COL4A1: variants seen among roughly 807,000 people sequenced by gnomAD.
COL4A1 encodes the protein collagen alpha-1(IV) chain.
A neutral mutation model predicts 216.6 loss-of-function variants in COL4A1; 40 were observed. The observed-to-expected ratio is 0.18, with a 90% CI of 0.14 to 0.24. COL4A1 has a LOEUF of 0.24. COL4A1 is among the 10% of genes least tolerant of loss of function. The pLI is 1.00. For synonymous variants in COL4A1, 839 were observed against 810.7 expected (o/e 1.03, Z -0.59); for missense variants, 1,628 against 2,196.8 (o/e 0.74, Z 5.18).
intron 26 of COL4A1, 70 bp from the exon 27 acceptor site, chr13:110,183,346 CA>C (rs1279311736): frequency 6.8e-7 from 1 of 1,462,552 alleles, no homozygotes; most frequent in Non-Finnish European, 9.4e-7. Flanking sequence ...GGAGGACACG[CA>C]GTGGGTGGGC....
chr13:110,273,845 G>A (rs972623579), intron 1 of COL4A1, among the ~76,000 whole-genome samples: 2 of 152,102 alleles, frequency 1.3e-5, no homozygotes, highest in African/African-American at 2.4e-5. Flanking sequence ...GGTTGCAGAC[G>A]CGCATCTGCC....
chr13:110,209,146 C>G (rs1243779869), intron 11 of COL4A1, among the ~76,000 whole-genome samples: 3 of 30,684 alleles, frequency 9.8e-5, no homozygotes, highest in African/African-American at 1.8e-4. Context: ...CATTAGAAAA[C>G]TAAGGGAAAT....
chr13:110,158,919 T>G (rs972177676), intron 49 of COL4A1, among the ~76,000 whole-genome samples: 5 of 152,068 alleles, frequency 3.3e-5, no homozygotes, highest in South Asian at 2.1e-4. Flanking sequence ...ATTTTTGTAT[T>G]TTTAGTAGAG....
intron 1 of COL4A1, among the ~76,000 whole-genome samples, chr13:110,302,079 G>C (rs534819611): frequency 1.3e-5 from 2 of 152,306 alleles, no homozygotes; most frequent in Admixed American, 6.5e-5. Context: ...GAGCTGGAAG[G>C]GAGTCCCAGC....
chr13:110,215,272 T>G lies in COL4A1; in HGVS notation c.145-1257A>C, dbSNP rs1004064359. ...AGAAATGTCTTTCAAGAGTATTTTT[T>G]GGGCTGGGTGCGGTGGCTCGCTCAT... On this transcript the variant is annotated intron_variant, in intron 2 of 51. Transcript: ENST00000375820. Among the ~76,000 whole-genome samples, 14 of 77,142 alleles carry G rather than the reference T, an allele frequency of 1.8e-4. No homozygotes were observed. In the South Asian group the frequency reaches 1.9e-3, roughly 11 times the overall value. The allele number at this position is 77,142 out of a possible 152,430, so 50.6% of individuals were successfully genotyped here.
intron 51 of COL4A1, 90 bp from the exon 52 acceptor site, chr13:110,150,534 G>C: frequency 7.5e-7 from 1 of 1,325,304 alleles, no homozygotes; most frequent in Non-Finnish European, 1.1e-6. Context: ...AATCTCTAAG[G>C]GATCAGCCCA....
chr13:110,218,030 C>G (rs1172152940), intron 2 of COL4A1, among the ~76,000 whole-genome samples: 1 of 152,200 alleles, frequency 6.6e-6, no homozygotes, highest in African/African-American at 2.4e-5. Context: ...AGCAAATACT[C>G]TAATAAGCTT....
intron 50 of COL4A1, 52 bp downstream of exon 50, chr13:110,155,231 G>T: frequency 7.4e-7 from 1 of 1,348,038 alleles, no homozygotes; most frequent in Non-Finnish European, 1.1e-6. Context: ...GGCGACTATG[G>T]GGCGTGAGTG....
At chr13:110,202,547 A>T (rs1879297606) in intron 18 of COL4A1, among the ~76,000 whole-genome samples, 1 of 152,122 alleles carries the variant, frequency 6.6e-6, no homozygotes, top group South Asian at 2.1e-4. Flanking sequence ...TGAAAGTAAA[A>T]CCCTTCAATG....
intron 2 of COL4A1, among the ~76,000 whole-genome samples, chr13:110,228,896 C>A (rs536484155): frequency 2.6e-5 from 4 of 152,264 alleles, no homozygotes; most frequent in South Asian, 4.1e-4. Flanking sequence ...ATGGAAAAAA[C>A]CACAGACAGT....
At chr13:110,232,175 T>C (rs1881092826) in intron 2 of COL4A1, among the ~76,000 whole-genome samples, 1 of 152,206 alleles carries the variant, frequency 6.6e-6, no homozygotes, top group Non-Finnish European at 1.5e-5. Context: ...TAAAACTATG[T>C]GACGAACCAA....
chr13:110,293,079 G>C (rs909269476), intron 1 of COL4A1, among the ~76,000 whole-genome samples: 1 of 152,192 alleles, frequency 6.6e-6, no homozygotes, highest in Non-Finnish European at 1.5e-5. Context: ...CTTTCAACTA[G>C]TGATAAATGC....
At chr13:110,264,724 C>T (rs990997516) in intron 1 of COL4A1, among the ~76,000 whole-genome samples, 1 of 152,162 alleles carries the variant, frequency 6.6e-6, no homozygotes, top group African/African-American at 2.4e-5. Flanking sequence ...CTCTCTGTCT[C>T]CTCCTTCCCC....
At chr13:110,306,851 G>T in intron 1 of COL4A1, 93 bp downstream of exon 1, 2 of 1,202,998 alleles carry the variant, frequency 1.7e-6, no homozygotes, top group South Asian at 2.0e-5. Flanking sequence ...CCCCCGAGGG[G>T]CAGGCGGACG....
chr13:110,207,379 T>G lies in COL4A1; in HGVS notation c.780+24A>C. The G allele has an allele frequency of 1.3e-6, 2 of 1,579,820 alleles. No homozygotes were observed. Among genetic ancestry groups the G allele is most frequent in the Admixed American group, 1.7e-5 (1 of 59,980 alleles). ...TTTGTCCAAAATTAGAAAATCAGTATTCACTGATGAAGCCCACTCATACCT... is the reference window on the plus strand; with the variant it reads ...TTTGTCCAAAATTAGAAAATCAGTAGTCACTGATGAAGCCCACTCATACCT... On this transcript the variant is annotated intron_variant, in intron 13 of 51. Transcript: ENST00000375820. This position sits in a 1 kb window ranked among gnomAD's most constrained non-coding sequence, Gnocchi z 4.4.
chr13:110,235,378 C>T (rs963147736), intron 2 of COL4A1, among the ~76,000 whole-genome samples: 8 of 152,146 alleles, frequency 5.3e-5, no homozygotes, highest in Non-Finnish European at 8.8e-5. Flanking sequence ...ATGCCGGGCG[C>T]AGTGGCTCAC....
Position 110,174,683 on chromosome 13 carries a change from T to C in COL4A1, c.3265A>G (p.Ile1089Val). Residue 1089 changes from isoleucine (I) to valine (V), a missense_variant, in exon 38 of 52, where the codon ATC becomes GTC. Coordinates refer to ENST00000375820, the MANE Select transcript of COL4A1 (RefSeq NM_001845.6). ...GEKGEKGSIGIPGMPGSPGLK... is the reference protein window; with the variant it reads ...GEKGEKGSIGVPGMPGSPGLK... ...CCTGGGGACCCTGGCATTCCTGGGA[T>C]CCCAATGCTTCCTTTTTCTCCCTTC... 1.2e-6 allele frequency: 2 copies of C among 1,613,904 alleles called. No homozygotes were observed. Among genetic ancestry groups the C allele is most frequent in the Non-Finnish European group, 1.7e-6 (2 of 1,179,828 alleles).
At chr13:110,244,201 G>A (rs1266229585) in intron 1 of COL4A1, among the ~76,000 whole-genome samples, 1 of 152,144 alleles carries the variant, frequency 6.6e-6, no homozygotes, top group Non-Finnish European at 1.5e-5. Flanking sequence ...CAGCTGCATT[G>A]CCATGGAGAC....
At chr13:110,225,880 A>G (rs1433381272) in intron 2 of COL4A1, among the ~76,000 whole-genome samples, 1 of 152,238 alleles carries the variant, frequency 6.6e-6, no homozygotes, top group African/African-American at 2.4e-5. Context: ...ATCATCTGTA[A>G]GTCAGGGATG....
Sources: gnomAD v4.1 joint callset for allele counts (sites outside exome capture counted in the v4.1 genomes callset) on GRCh38, gnomAD v4.1.1 for gene constraint, Gnocchi (gnomAD v3.1) non-coding constraint, MANE v1.5 for transcripts, NCBI Gene and HGNC (gene_info 2026-07-23, HGNC 2026-07-21) for gene names.